LRP1B: variants seen among roughly 807,000 people sequenced by gnomAD.
LRP1B encodes LDL receptor related protein 1B.
LRP1B carries 217 observed loss-of-function variants against 556.6 expected under a neutral mutation model. The ratio of observed to expected loss-of-function variants is 0.39; its 90% CI spans 0.35 to 0.44. The LOEUF (loss-of-function observed/expected upper bound fraction) is 0.44, where lower values mean the gene tolerates loss of function less well. Among genes scored for constraint, LRP1B ranks in the 20% least tolerant of loss-of-function variants. LRP1B has a pLI of 1.00. For synonymous variants in LRP1B, 2,047 were observed against 1,865.8 expected, an observed-to-expected ratio of 1.10 and a Z score of -2.50; for missense variants, 5,053 against 5,620.8, an observed-to-expected ratio of 0.90 and a Z score of 3.23.
At chr2:140,412,548 G>T (rs907866840) in intron 66 of LRP1B, among the ~76,000 whole-genome samples, 2 of 152,100 alleles carry the variant, frequency 1.3e-5, no homozygotes, top group East Asian at 3.9e-4. Context: ...AGCCATCAGA[G>T]AATAGATTGT....
chr2:141,819,728 G>C (rs983015332), intron 1 of LRP1B, among the ~76,000 whole-genome samples: 1 of 152,106 alleles, frequency 6.6e-6, no homozygotes. Flanking sequence ...ATTTCAAATA[G>C]TAAGAAGGAG....
At chr2:141,380,550 A>G (rs1449532578) in intron 3 of LRP1B, among the ~76,000 whole-genome samples, 1 of 152,164 alleles carries the variant, frequency 6.6e-6, no homozygotes, top group Non-Finnish European at 1.5e-5. Context: ...CTTTTGTAAC[A>G]GCTGTTCTGA....
intron 5 of LRP1B, among the ~76,000 whole-genome samples, chr2:141,234,996 T>C (rs2105305809): frequency 6.6e-6 from 1 of 152,164 alleles, no homozygotes; most frequent in South Asian, 2.1e-4. Flanking sequence ...TAACTATTTT[T>C]TAACAAAAAA....
chr2:140,978,155 G>T (rs921341401), intron 18 of LRP1B, among the ~76,000 whole-genome samples: 2 of 152,058 alleles, frequency 1.3e-5, no homozygotes, highest in Non-Finnish European at 2.9e-5. Flanking sequence ...TAATGTAAAC[G>T]TGCACCCACA....
intron 3 of LRP1B, among the ~76,000 whole-genome samples, chr2:141,452,465 GTTAAC>G (rs1358585941): frequency 2.0e-5 from 3 of 152,116 alleles, no homozygotes; most frequent in African/African-American, 4.8e-5. Flanking sequence ...TCAATATTCT[GTTAAC>G]TTAAACCAGT....
chr2:142,123,711 G>C (rs968722863), intron 1 of LRP1B, among the ~76,000 whole-genome samples: 1 of 143,998 alleles, frequency 6.9e-6, no homozygotes, highest in Admixed American at 6.9e-5. Context: ...AATTGTATAT[G>C]AAAAGGTACT....
chr2:141,275,112 A>G (rs1450701955), intron 3 of LRP1B, among the ~76,000 whole-genome samples: 1 of 152,238 alleles, frequency 6.6e-6, no homozygotes, highest in African/African-American at 2.4e-5. Context: ...GGAAATCCTG[A>G]TAACACCCAT....
rs1413046790 is a variant in LRP1B at position 140,574,001 on chromosome 2, AGGATAAC to A, written c.7194+24623_7194+24629del. On this transcript the variant is annotated intron_variant, in intron 43 of 90. Coordinates refer to ENST00000389484, the MANE Select transcript of LRP1B (RefSeq NM_018557.3). Reference sequence around the variant, plus strand: ...TACAATAGAAAAAAAGAAAGATTTGAGGATAACGGGAATGTTTCCATTTTTGAAATTA... The same window carrying A: ...TACAATAGAAAAAAAGAAAGATTTGAGGGAATGTTTCCATTTTTGAAATTA... Among the ~76,000 whole-genome samples the A allele has an allele frequency of 2.0e-5, 3 of 152,248 alleles. No individual in the cohort carries two copies. In the East Asian group the frequency reaches 5.8e-4, roughly 29 times the overall value.
intron 35 of LRP1B, among the ~76,000 whole-genome samples, chr2:140,747,606 G>C (rs1688361065): frequency 6.6e-6 from 1 of 152,120 alleles, no homozygotes. Context: ...TGTGGTATGG[G>C]AGTTATCGGT....
At chr2:140,414,924 G>T (rs1685120147) in intron 66 of LRP1B, among the ~76,000 whole-genome samples, 1 of 152,130 alleles carries the variant, frequency 6.6e-6, no homozygotes, top group African/African-American at 2.4e-5. Context: ...AAATGGATGT[G>T]CAAATAGGAG....
chr2:140,878,019 A>G (rs1573833400), intron 25 of LRP1B, among the ~76,000 whole-genome samples: 1 of 152,216 alleles, frequency 6.6e-6, no homozygotes, highest in South Asian at 2.1e-4. Flanking sequence ...TTGTGGAAGC[A>G]TATTCAGAAA....
At chr2:141,375,694 TC>T (rs1300357522) in intron 3 of LRP1B, among the ~76,000 whole-genome samples, 4 of 152,114 alleles carry the variant, frequency 2.6e-5, no homozygotes, top group Admixed American at 2.6e-4. Flanking sequence ...AGCATTAAAT[TC>T]CCAATATTGC....
intron 1 of LRP1B, among the ~76,000 whole-genome samples, chr2:141,997,065 G>T (rs1263106578): frequency 2.0e-5 from 3 of 152,130 alleles, no homozygotes; most frequent in African/African-American, 7.2e-5. Flanking sequence ...CCAGGGTCAA[G>T]AACCAAGTGG....
intron 25 of LRP1B, among the ~76,000 whole-genome samples, chr2:140,869,631 G>T (rs574313079): frequency 6.6e-6 from 1 of 152,182 alleles, no homozygotes; most frequent in South Asian, 2.1e-4. Flanking sequence ...ATAAAGGAGA[G>T]AAGTGAATTG....
chr2:140,867,705 C>T lies in LRP1B; in HGVS notation c.4464G>A (p.Arg1488=), dbSNP rs142273674. ...YGSEVYWTDW[R]TNTLSKANKW... Reference sequence around the variant, plus strand: ...TATTGGCTTTGGACAATGTGTTGGTCCTCCAGTCTGTCCAGTAGACTTCAC... The same window carrying T: ...TATTGGCTTTGGACAATGTGTTGGTTCTCCAGTCTGTCCAGTAGACTTCAC... The change falls in exon 27 of 91, where the codon AGG becomes AGA. Residue 1488 remains arginine, a synonymous_variant. Coordinates refer to ENST00000389484, the MANE Select transcript of LRP1B (RefSeq NM_018557.3). 2.5e-5 allele frequency: 40 copies of T among 1,613,302 alleles called. No homozygotes were observed. The highest frequency in any genetic ancestry group is 3.4e-5 in the Non-Finnish European group (40 of 1,179,632).
At chr2:141,957,144 T>C (rs1701276063) in intron 1 of LRP1B, among the ~76,000 whole-genome samples, 1 of 151,968 alleles carries the variant, frequency 6.6e-6, no homozygotes, top group South Asian at 2.1e-4. Flanking sequence ...TATATATTTG[T>C]ATACTTTTCA....
chr2:141,450,530 G>T (rs978263633), intron 3 of LRP1B, among the ~76,000 whole-genome samples: 1 of 151,460 alleles, frequency 6.6e-6, no homozygotes, highest in Non-Finnish European at 1.5e-5. Flanking sequence ...CATCATCACT[G>T]ATGAGACAGA....
At chr2:140,757,282 T>C (rs1357887525) in intron 35 of LRP1B, among the ~76,000 whole-genome samples, 2 of 152,166 alleles carry the variant, frequency 1.3e-5, no homozygotes, top group East Asian at 3.9e-4. Flanking sequence ...ACCATACCTG[T>C]CAAGTTCACT....
chr2:141,034,924 A>G (rs1458122553), intron 11 of LRP1B, among the ~76,000 whole-genome samples: 1 of 152,046 alleles, frequency 6.6e-6, no homozygotes, highest in Non-Finnish European at 1.5e-5. Context: ...TTATTGCGGC[A>G]CTATTCACAA....
Sources: gnomAD v4.1 joint callset for allele counts (sites outside exome capture counted in the v4.1 genomes callset) on GRCh38, gnomAD v4.1.1 for gene constraint, MANE v1.5 for transcripts, NCBI Gene and HGNC (gene_info 2026-07-23, HGNC 2026-07-21) for gene names.